The following CFAP299 variants were observed in gnomAD, a reference collection of about 807,000 sequenced individuals.
CFAP299 encodes cilia- and flagella-associated protein 299.
CFAP299 carries 21 observed loss-of-function variants against 27.0 expected under a neutral mutation model. The ratio of observed to expected loss-of-function variants is 0.78; its 90% CI spans 0.55 to 1.12. The LOEUF (loss-of-function observed/expected upper bound fraction) is 1.12, where lower values mean the gene tolerates loss of function less well. Among genes scored for constraint, CFAP299 ranks in the 50% most tolerant of loss-of-function variants. The pLI, the probability that CFAP299 is intolerant of heterozygous loss-of-function variation, is 0.00. For synonymous variants in CFAP299, 104 were observed against 98.1 expected, an observed-to-expected ratio of 1.06 and a Z score of -0.36; for missense variants, 310 against 276.6, an observed-to-expected ratio of 1.12 and a Z score of -0.86.
In CFAP299 at chr4:80,388,500, G is replaced by T. The variant is rs115402438; in HGVS notation, c.242+25616G>T. ...GGGGCATTTCTTTGGCACTGTTCCC[G>T]CTTGTGGGTCATAAACACTGGCAGC... On this transcript the variant is annotated intron_variant, in intron 2 of 5. Transcript: ENST00000358105. The T allele has an allele frequency of 2.9e-3, 4,074 of 1,398,964 alleles. 95 individuals are homozygous for T. In the African/African-American group the frequency reaches 0.052, roughly 18 times the overall value. The allele number at this position is 1,398,964 out of a possible 1,614,324, so 86.7% of individuals were successfully genotyped here.
chr4:80,746,479 A>G (rs1273554420), intron 3 of CFAP299, among the ~76,000 whole-genome samples: 8 of 152,102 alleles, frequency 5.3e-5, no homozygotes, highest in Admixed American at 5.2e-4. Context: ...AACATTTTGC[A>G]TATGGTTTCA....
chr4:80,347,015 A>G (rs889718700), intron 1 of CFAP299, among the ~76,000 whole-genome samples: 2 of 151,910 alleles, frequency 1.3e-5, no homozygotes, highest in Non-Finnish European at 2.9e-5. Context: ...ATTCCTAGGT[A>G]TTTTATTCTC....
intron 2 of CFAP299, among the ~76,000 whole-genome samples, chr4:80,443,895 A>G (rs1450727928): frequency 3.9e-5 from 6 of 152,188 alleles, no homozygotes. Flanking sequence ...TAATAGACAA[A>G]CAGAGCCAAA....
intron 2 of CFAP299, among the ~76,000 whole-genome samples, chr4:80,582,699 A>G (rs1391992718): frequency 6.6e-6 from 1 of 151,870 alleles, no homozygotes; most frequent in Non-Finnish European, 1.5e-5. Flanking sequence ...CAGTAACTGC[A>G]TAGCATAGGT....
chr4:80,665,953 G>C (rs1741126930), intron 3 of CFAP299, among the ~76,000 whole-genome samples: 1 of 152,078 alleles, frequency 6.6e-6, no homozygotes, highest in African/African-American at 2.4e-5. Flanking sequence ...ATGATTGGAA[G>C]TTTCCTGAAG....
intron 3 of CFAP299, among the ~76,000 whole-genome samples, chr4:80,804,570 A>G (rs1394158216): frequency 6.6e-6 from 1 of 152,142 alleles, no homozygotes; most frequent in Non-Finnish European, 1.5e-5. Flanking sequence ...ATTGTGAATA[A>G]TGCTGCTATA....
intron 3 of CFAP299, among the ~76,000 whole-genome samples, chr4:80,736,626 C>A (rs1392169274): frequency 6.6e-6 from 1 of 152,130 alleles, no homozygotes; most frequent in African/African-American, 2.4e-5. Flanking sequence ...CCATCTCACA[C>A]CAGTTAGAAT....
chr4:80,389,598 G>A lies in CFAP299; in HGVS notation c.242+26714G>A, dbSNP rs74922390. Reference sequence around the variant, plus strand: ...TGCATCAGGTCAAGATACTTTAGCCGAAATGTTTATTTGAGGAGAAAGGCT... The same window carrying A: ...TGCATCAGGTCAAGATACTTTAGCCAAAATGTTTATTTGAGGAGAAAGGCT... On this transcript the variant is annotated intron_variant, in intron 2 of 5. Transcript: ENST00000358105. Among the ~76,000 whole-genome samples the A allele has an allele frequency of 4.2e-4, 64 of 152,242 alleles. No individual in the cohort carries two copies. The East Asian group carries it at 9.3e-3, about 22-fold the overall frequency.
chr4:80,342,659 C>G (rs544549686), intron 1 of CFAP299, among the ~76,000 whole-genome samples: 6 of 152,194 alleles, frequency 3.9e-5, no homozygotes, highest in African/African-American at 1.4e-4. Context: ...TGCAAGAGTT[C>G]CTAAAGAAAG....
chr4:80,676,564 A>G (rs532634917), intron 3 of CFAP299, among the ~76,000 whole-genome samples: 1 of 152,114 alleles, frequency 6.6e-6, no homozygotes, highest in African/African-American at 2.4e-5. Flanking sequence ...AAACTCAACT[A>G]CAAAGCTATC....
chr4:80,371,338 G>A (rs915956740), intron 2 of CFAP299, among the ~76,000 whole-genome samples: 10 of 152,290 alleles, frequency 6.6e-5, no homozygotes, highest in Admixed American at 2.0e-4. Flanking sequence ...AATGCCTTTT[G>A]AGGCCTTTTC....
At chr4:80,324,234 C>A in the CFAP299 span, among the ~76,000 whole-genome samples, 1 of 152,110 alleles carries the variant, frequency 6.6e-6, no homozygotes, top group African/African-American at 2.4e-5. Context: ...ACTCAGGAAT[C>A]GGTTTTATGC....
intron 1 of CFAP299, among the ~76,000 whole-genome samples, chr4:80,339,357 A>G (rs1473844665): frequency 6.6e-6 from 1 of 152,206 alleles, no homozygotes; most frequent in African/African-American, 2.4e-5. Context: ...ATTTGCTGCC[A>G]TTACCCTGAC....
At chr4:80,667,563 T>C (rs940030961) in intron 3 of CFAP299, among the ~76,000 whole-genome samples, 9 of 152,272 alleles carry the variant, frequency 5.9e-5, no homozygotes, top group African/African-American at 1.9e-4. Context: ...CCCACTTTTT[T>C]TGTTCCCATA....
chr4:80,917,918 C>A (rs76407506), intron 4 of CFAP299, among the ~76,000 whole-genome samples: 3,381 of 152,184 alleles, frequency 0.022, 125 homozygotes, highest in East Asian at 0.15. Flanking sequence ...TTAGAAATCA[C>A]CTACTCCAAA....
chr4:80,886,637 C>T lies in CFAP299; in HGVS notation c.476+16502C>T, dbSNP rs146416553. On this transcript the variant is annotated intron_variant, in intron 4 of 5. Transcript: ENST00000358105. The stretch of plus-strand genomic sequence containing the variant: ...CACAAACAAGCCCAGACTATGAAGA[C>T]AACAATAAATAATTAACTCATCAAT... 2.7e-3 allele frequency among the ~76,000 whole-genome samples: 414 copies of T among 152,146 alleles called. 5 individuals are homozygous for T. Among genetic ancestry groups the T allele is most frequent in the African/African-American group, 9.3e-3 (388 of 41,526 alleles).
At chr4:80,333,276 C>G (rs1722006234), upstream of CFAP299, among the ~76,000 whole-genome samples, 1 of 152,166 alleles carries the variant, frequency 6.6e-6, no homozygotes, top group Non-Finnish European at 1.5e-5. Flanking sequence ...AATTTAGTAT[C>G]ACCATTGTTT....
At chr4:80,397,029 A>G (rs942616716) in intron 2 of CFAP299, among the ~76,000 whole-genome samples, 2 of 152,158 alleles carry the variant, frequency 1.3e-5, no homozygotes, top group East Asian at 3.9e-4. Context: ...TTTGGTTGGT[A>G]GGCTATTAAT....
intron 2 of CFAP299, among the ~76,000 whole-genome samples, chr4:80,468,249 T>C (rs930216954): frequency 2.0e-5 from 3 of 151,282 alleles, no homozygotes; most frequent in African/African-American, 7.3e-5. Flanking sequence ...AGACAGAATC[T>C]TGCTCTGTCG....
Sources: allele counts gnomAD v4.1 joint callset (sites outside exome capture counted in the v4.1 genomes callset), GRCh38; gene constraint gnomAD v4.1.1; transcripts MANE v1.5; gene names NCBI Gene and HGNC (gene_info 2026-07-23, HGNC 2026-07-21).